The following DENND1A variants were observed in gnomAD, a reference collection of about 807,000 sequenced individuals.
The protein encoded by DENND1A is DENN domain containing 1A, also known as DENN domain-containing protein 1A.
A neutral mutation model predicts 113.7 loss-of-function variants in DENND1A; 51 were observed. The ratio of observed to expected loss-of-function variants is 0.45; its 90% confidence interval spans 0.36 to 0.57. The LOEUF is 0.57. Ranked by LOEUF, DENND1A falls within the 20% of genes least tolerant of loss-of-function variation. The pLI is 0.00. For synonymous variants in DENND1A, 565 were observed against 570.8 expected, an observed-to-expected ratio of 0.99 and a Z score of 0.14; for missense variants, 1,258 against 1,395.9, an observed-to-expected ratio of 0.90 and a Z score of 1.57.
At chr9:123,500,674 G>A (rs2134224986) in intron 13 of DENND1A, among the ~76,000 whole-genome samples, 1 of 152,302 alleles carries the variant, frequency 6.6e-6, no homozygotes, top group East Asian at 1.9e-4. Flanking sequence ...TTAGCATGAA[G>A]GGCAAAGACA....
intron 22 of DENND1A, among the ~76,000 whole-genome samples, chr9:123,384,590 G>A (rs977616254): frequency 1.3e-5 from 2 of 152,252 alleles, no homozygotes; most frequent in African/African-American, 4.8e-5. Context: ...TCGCCCACCA[G>A]TGAGCACGGC....
chr9:123,414,140 T>TC (rs774925982), intron 19 of DENND1A: 2 of 999,834 alleles, frequency 2.0e-6, no homozygotes, highest in African/African-American at 3.5e-5. Flanking sequence ...ACCCCAGTTC[T>TC]CCCATTTACT....
intron 1 of DENND1A, among the ~76,000 whole-genome samples, chr9:123,890,779 T>C (rs1849783984): frequency 6.6e-6 from 1 of 152,230 alleles, no homozygotes; most frequent in South Asian, 2.1e-4. Flanking sequence ...ACCCAGAGAG[T>C]GTGGCTCTAG....
intron 9 of DENND1A, among the ~76,000 whole-genome samples, chr9:123,649,583 T>C (rs781202213): frequency 1.1e-4 from 17 of 152,344 alleles, no homozygotes; most frequent in Non-Finnish European, 2.1e-4. Flanking sequence ...GAAAAATATG[T>C]AAAGATATTG....
intron 12 of DENND1A, among the ~76,000 whole-genome samples, chr9:123,570,866 CT>C (rs941451245): frequency 3.9e-5 from 6 of 152,122 alleles, no homozygotes; most frequent in Non-Finnish European, 8.8e-5. Flanking sequence ...GGTTCTGGGC[CT>C]TTAAAGAAAT....
intron 19 of DENND1A, chr9:123,414,583 C>T: frequency 2.6e-6 from 4 of 1,550,536 alleles, no homozygotes; most frequent in Non-Finnish European, 3.5e-6. Context: ...TGGGGATTCA[C>T]AACGCCTGTT....
chr9:123,847,887 T>C (rs1007054157), intron 2 of DENND1A, among the ~76,000 whole-genome samples: 1 of 152,164 alleles, frequency 6.6e-6, no homozygotes, highest in Non-Finnish European at 1.5e-5. Context: ...TGAGCCGAGA[T>C]AGCCCCACTG....
rs187457891 is a variant in DENND1A at position 123,845,380 on chromosome 9, G to A, written c.88+33571C>T. Reference sequence around the variant, plus strand: ...TATAAAAATCAACTTGATTTGGATTGTAGGCTGGGGATACTGGTTCATGCC... The same window carrying A: ...TATAAAAATCAACTTGATTTGGATTATAGGCTGGGGATACTGGTTCATGCC... On this transcript the variant is annotated intron_variant, in intron 2 of 23. Coordinates refer to ENST00000394215, the MANE Select transcript of DENND1A (RefSeq NM_001352964.2). Among the ~76,000 whole-genome samples the A allele has an allele frequency of 2.0e-5, 3 of 152,174 alleles. No homozygotes were observed. The East Asian group carries it at 5.8e-4, about 29-fold the overall frequency.
chr9:123,641,878 G>A (rs2062047496), intron 9 of DENND1A, among the ~76,000 whole-genome samples: 1 of 152,118 alleles, frequency 6.6e-6, no homozygotes, highest in Non-Finnish European at 1.5e-5. Context: ...GTCTGGAGAT[G>A]GTGCCCAAGA....
intron 8 of DENND1A, among the ~76,000 whole-genome samples, chr9:123,663,350 G>T (rs796213299): frequency 2.0e-5 from 3 of 152,026 alleles, no homozygotes; most frequent in Admixed American, 6.6e-5. Context: ...ATTTCAATTT[G>T]TATCATCTTT....
intron 22 of DENND1A, among the ~76,000 whole-genome samples, chr9:123,386,511 A>T (rs776204601): frequency 6.6e-6 from 1 of 151,644 alleles, no homozygotes. Flanking sequence ...CCTCCTGAGT[A>T]GCTGGGATTA....
intron 13 of DENND1A, among the ~76,000 whole-genome samples, chr9:123,539,609 A>C (rs2056119940): frequency 6.6e-6 from 1 of 152,078 alleles, no homozygotes; most frequent in Non-Finnish European, 1.5e-5. Flanking sequence ...CTTGTTTTGG[A>C]AAGTGTTGGT....
At position 123,502,385 on chromosome 9, in the gene DENND1A, T is replaced by A. The variant is rs182719191; in HGVS notation, c.994-44488A>T. ...TTTTCTGCTTTTTTAACAGTAGCCA[T>A]CTTAATGGGTGTGAGGTGGTATCTC... is the stretch of plus-strand genomic sequence containing the variant. On this transcript the variant is annotated intron_variant, in intron 13 of 23. Coordinates refer to ENST00000394215, the MANE Select transcript of DENND1A (RefSeq NM_001352964.2). 4.0e-3 allele frequency among the ~76,000 whole-genome samples: 614 copies of A among 152,330 alleles called. 4 individuals are homozygous for A. Among genetic ancestry groups the A allele is most frequent in the African/African-American group, 0.014 (585 of 41,566 alleles).
intron 13 of DENND1A, among the ~76,000 whole-genome samples, chr9:123,470,952 G>A (rs1278495257): frequency 6.6e-6 from 1 of 152,182 alleles, no homozygotes; most frequent in Non-Finnish European, 1.5e-5. Context: ...TCGTGAGCAC[G>A]TGGCAGCATC....
At chr9:123,867,321 T>C (rs1845926465) in intron 2 of DENND1A, among the ~76,000 whole-genome samples, 1 of 152,130 alleles carries the variant, frequency 6.6e-6, no homozygotes, top group African/African-American at 2.4e-5. Context: ...AACGTTCCAC[T>C]CTCTACAGAG....
At chr9:123,875,976 TA>T (rs1174785922) in intron 2 of DENND1A, among the ~76,000 whole-genome samples, 1 of 152,364 alleles carries the variant, frequency 6.6e-6, no homozygotes, top group East Asian at 1.9e-4. Context: ...TGGATCATAA[TA>T]ACATGGTTAC....
At chr9:123,423,723 A>G (rs1391921153) in intron 19 of DENND1A, among the ~76,000 whole-genome samples, 2 of 152,106 alleles carry the variant, frequency 1.3e-5, no homozygotes, top group African/African-American at 4.8e-5. Flanking sequence ...CAGTACTTCT[A>G]TTTCCATACT....
chr9:123,776,912 T>C (rs1830556770), intron 3 of DENND1A, among the ~76,000 whole-genome samples: 1 of 152,142 alleles, frequency 6.6e-6, no homozygotes, highest in Non-Finnish European at 1.5e-5. Flanking sequence ...GAAGGAAGAT[T>C]ATAGGATTCA....
chr9:123,486,087 T>G (rs1001138404), intron 13 of DENND1A, among the ~76,000 whole-genome samples: 1 of 152,204 alleles, frequency 6.6e-6, no homozygotes, highest in Non-Finnish European at 1.5e-5. Context: ...CGATGGATTT[T>G]GGCATTGTCA....
Sources: gnomAD v4.1 joint callset for allele counts (sites outside exome capture counted in the v4.1 genomes callset) on GRCh38, gnomAD v4.1.1 for gene constraint, MANE v1.5 for transcripts, NCBI Gene and HGNC (gene_info 2026-07-23, HGNC 2026-07-21) for gene names.